The following FOXO3 variants were observed in gnomAD, a reference collection of about 807,000 sequenced individuals.
FOXO3 encodes forkhead box O3.
FOXO3 carries 4 observed loss-of-function variants against 41.9 expected under a neutral mutation model. That is an observed-to-expected ratio of 0.10 (90% confidence interval 0.05 to 0.22). The LOEUF is 0.22. Among genes scored for constraint, FOXO3 ranks in the 10% least tolerant of loss-of-function variants. The pLI is 1.00. For missense variants in FOXO3, 534 were observed against 906.8 expected (o/e 0.59, Z 5.28); for synonymous variants, 318 against 389.3 (o/e 0.82, Z 2.16).
chr6:108,659,246 C>T (rs989639064), intron 1 of FOXO3, among the ~76,000 whole-genome samples: 28 of 152,026 alleles, frequency 1.8e-4, no homozygotes, highest in African/African-American at 4.6e-4. Context: ...ACCAAATACC[C>T]GTAACTATTT....
chr6:108,581,349 A>G (rs1011088830), intron 1 of FOXO3, among the ~76,000 whole-genome samples: 2 of 152,184 alleles, frequency 1.3e-5, no homozygotes, highest in African/African-American at 4.8e-5. Context: ...AAGGCAGCCC[A>G]GTCAGAATAC....
intron 1 of FOXO3, among the ~76,000 whole-genome samples, chr6:108,593,677 C>T (rs1338138339): frequency 3.3e-5 from 5 of 149,580 alleles, no homozygotes; most frequent in Admixed American, 6.7e-5. Flanking sequence ...TGAACCCGGC[C>T]GCCTTGCTGT....
rs541382026 is a variant in FOXO3 at position 108,585,341 on chromosome 6, C to A, written c.621+23512C>A. ...TACAGGCGTGAGCCACCGCGCCCGG[C>A]CTCTATCTCCAAAATCTTCAAGCCA... On this transcript the variant is annotated intron_variant, in intron 1 of 2. Transcript: ENST00000406360. 6.8e-4 allele frequency among the ~76,000 whole-genome samples: 103 copies of A among 152,338 alleles called. 1 individual carries two copies. The Middle Eastern group carries it at 0.01, about 15-fold the overall frequency.
At chr6:108,640,712 A>T (rs142753490) in intron 1 of FOXO3, among the ~76,000 whole-genome samples, 7 of 152,324 alleles carry the variant, frequency 4.6e-5, no homozygotes, top group African/African-American at 1.4e-4. Flanking sequence ...GATTAATCAT[A>T]CAGCTTATTA....
At position 108,680,079 on chromosome 6, in the gene FOXO3, A is replaced by G. The variant is rs1582846378; in HGVS notation, c.*287A>G. 1 of 152,400 alleles carries G rather than the reference A, an allele frequency of 6.6e-6. No homozygotes were observed. Among genetic ancestry groups the G allele is most frequent in the Non-Finnish European group, 1.5e-5 (1 of 68,040 alleles). The allele number at this position is 152,400 out of a possible 1,614,324, so 9.4% of individuals were successfully genotyped here. A position where few individuals can be genotyped will look rare whatever the true frequency, so the allele number is the denominator to read the frequency against. ...CCAGTGGAGGACAGCACCCCTCAGCACCACCCACCCTCATTCAGAGCACAC... is the reference window on the plus strand; with the variant it reads ...CCAGTGGAGGACAGCACCCCTCAGCGCCACCCACCCTCATTCAGAGCACAC... On this transcript the variant is annotated 3_prime_UTR_variant, in exon 3 of 3. Transcript: ENST00000406360.
intron 1 of FOXO3, among the ~76,000 whole-genome samples, chr6:108,612,036 T>C (rs1343890213): frequency 1.3e-5 from 2 of 152,210 alleles, no homozygotes; most frequent in Non-Finnish European, 2.9e-5. Context: ...TCTTTATTAC[T>C]GTAGCTTTAT....
intron 1 of FOXO3, among the ~76,000 whole-genome samples, chr6:108,644,920 C>A (rs933083758): frequency 3.3e-5 from 5 of 152,172 alleles, no homozygotes; most frequent in African/African-American, 1.2e-4. Flanking sequence ...CTCCCTCTCA[C>A]TCCACAAAAT....
chr6:108,641,847 AAGG>A (rs1199757522), intron 1 of FOXO3, among the ~76,000 whole-genome samples: 1 of 152,162 alleles, frequency 6.6e-6, no homozygotes, highest in Non-Finnish European at 1.5e-5. Flanking sequence ...TTTGCTTGTA[AAGG>A]AGAACATTTT....
chr6:108,671,308 A>G (rs183611349), intron 2 of FOXO3, among the ~76,000 whole-genome samples: 355 of 152,344 alleles, frequency 2.3e-3, no homozygotes, highest in Middle Eastern at 6.8e-3. Context: ...TGGTGAGTTC[A>G]TCACGGTTGG....
chr6:108,586,928 G>A (rs1224394231), intron 1 of FOXO3, among the ~76,000 whole-genome samples: 1 of 138,970 alleles, frequency 7.2e-6, no homozygotes, highest in Non-Finnish European at 1.5e-5. Context: ...CTATAAACCT[G>A]AACGTAAATA....
chr6:108,652,232 A>C (rs577857275), intron 1 of FOXO3, among the ~76,000 whole-genome samples: 1 of 152,246 alleles, frequency 6.6e-6, no homozygotes, highest in Non-Finnish European at 1.5e-5. Context: ...ATATTTGGGC[A>C]TTCCCCAAAA....
intron 1 of FOXO3, among the ~76,000 whole-genome samples, chr6:108,562,660 T>C (rs1775841525): frequency 6.6e-6 from 1 of 152,056 alleles, no homozygotes. Flanking sequence ...GGGAGGAGGT[T>C]TGGGGGCTGG....
rs1312845161 is a variant in FOXO3, at chr6:108,684,021, T to G, written c.*4229T>G. 1 of 152,660 alleles carries G rather than the reference T, an allele frequency of 6.6e-6. No individual in the cohort carries two copies. The highest frequency in any genetic ancestry group is 2.4e-5 in the African/African-American group (1 of 41,462). The allele number at this position is 152,660 out of a possible 1,614,324, so 9.5% of individuals were successfully genotyped here. A position where few individuals can be genotyped will look rare whatever the true frequency, so the allele number is the denominator to read the frequency against. On this transcript the variant is annotated 3_prime_UTR_variant, in exon 3 of 3. Transcript: ENST00000406360. Reference sequence around the variant, plus strand: ...TAAGTGGGTAACATTTTATGCAGTTTAAATGAATGGAATATTTTCCTCTTG... The same window carrying G: ...TAAGTGGGTAACATTTTATGCAGTTGAAATGAATGGAATATTTTCCTCTTG...
intron 1 of FOXO3, among the ~76,000 whole-genome samples, chr6:108,619,395 C>T (rs534967487): frequency 2.6e-5 from 4 of 152,260 alleles, no homozygotes; most frequent in Admixed American, 6.5e-5. Flanking sequence ...TATTAAATAC[C>T]AACTAAGTGC....
chr6:108,604,679 G>A (rs1054096230), intron 1 of FOXO3, among the ~76,000 whole-genome samples: 2 of 151,634 alleles, frequency 1.3e-5, no homozygotes, highest in Non-Finnish European at 2.9e-5. Flanking sequence ...CAGTTTGGAT[G>A]TTTCAGGCCC....
At chr6:108,665,968 T>G (rs1405452904) in intron 2 of FOXO3, among the ~76,000 whole-genome samples, 1 of 151,850 alleles carries the variant, frequency 6.6e-6, no homozygotes, top group Non-Finnish European at 1.5e-5. Context: ...GTGATGGAGA[T>G]TTTTTCAATT....
intron 1 of FOXO3, among the ~76,000 whole-genome samples, chr6:108,600,030 A>G (rs187413500): frequency 6.6e-4 from 101 of 152,244 alleles, no homozygotes; most frequent in African/African-American, 2.3e-3. Context: ...TTTTATATGT[A>G]TAAGGAGGGT....
intron 1 of FOXO3, among the ~76,000 whole-genome samples, chr6:108,660,586 G>A (rs1471694251): frequency 6.6e-6 from 1 of 152,202 alleles, no homozygotes; most frequent in Admixed American, 6.5e-5. Context: ...AACATTCTGG[G>A]CTGGGCGTGG....
intron 1 of FOXO3, among the ~76,000 whole-genome samples, chr6:108,641,048 TA>T (rs1416436763): frequency 6.6e-6 from 1 of 152,128 alleles, no homozygotes; most frequent in African/African-American, 2.4e-5. Context: ...TAGCTGGGGT[TA>T]CAGGTGCACC....
Sources: gnomAD v4.1 joint callset for allele counts (sites outside exome capture counted in the v4.1 genomes callset) on GRCh38, gnomAD v4.1.1 for gene constraint, MANE v1.5 for transcripts, NCBI Gene and HGNC (gene_info 2026-07-23, HGNC 2026-07-21) for gene names.